CAPN5: variants seen among roughly 807,000 people sequenced by gnomAD.
The protein encoded by CAPN5 is calpain 5, also known as calpain-5.
CAPN5 carries 54 observed loss-of-function variants against 73.0 expected under a neutral mutation model. The ratio of observed to expected loss-of-function variants is 0.74; its 90% CI spans 0.59 to 0.93. The LOEUF is 0.93. CAPN5 is among the 40% of genes least tolerant of loss of function. The pLI, the probability that CAPN5 is intolerant of heterozygous loss-of-function variation, is 0.00. For synonymous variants in CAPN5, 335 were observed against 356.9 expected (o/e 0.94, Z 0.69); for missense variants, 785 against 882.9 (o/e 0.89, Z 1.41).
At chr11:77,108,603 A>G (rs1591139085) in intron 3 of CAPN5, among the ~76,000 whole-genome samples, 1 of 152,060 alleles carries the variant, frequency 6.6e-6, no homozygotes, top group African/African-American at 2.4e-5. Flanking sequence ...GACTCCTCGC[A>G]CCCATCCCTT....
intron 1 of CAPN5, chr11:77,073,198 A>G (rs1399371279): frequency 9.9e-7 from 1 of 1,013,286 alleles, no homozygotes; most frequent in African/African-American, 1.7e-5. Context: ...TGGTTCTTTC[A>G]GTGTTAAAAC....
chr11:77,114,093 G>A lies in CAPN5; in HGVS notation c.507-149G>A, dbSNP rs1457827309. On this transcript the variant is annotated intron_variant, in intron 4 of 12. Transcript: ENST00000648180. ...TATGTTGGCCCGAGTGTTAAGAACT[G>A]GGTTCCAGTGTTGGCTCCGCCGTGG... 3.5e-5 allele frequency: 22 copies of A among 627,234 alleles called. No individual in the cohort carries two copies. The African/African-American group carries it at 4.1e-4, about 12-fold the overall frequency. The allele number at this position is 627,234 out of a possible 1,614,324, so 38.9% of individuals were successfully genotyped here.
chr11:77,114,201 G>A (rs920914603), intron 4 of CAPN5, 41 bp from the exon 5 acceptor site: 2 of 1,586,074 alleles, frequency 1.3e-6, no homozygotes, highest in Non-Finnish European at 1.7e-6. Flanking sequence ...CAGCCTGGCT[G>A]GGGAGCATGA....
In CAPN5 at chr11:77,115,436, C is replaced by T. The variant is rs1327924250; in HGVS notation, c.741C>T (p.Gly247=). The change falls in exon 6 of 13, where the codon GGC becomes GGT. Residue 247 remains glycine, a synonymous_variant. Coordinates refer to ENST00000648180, the MANE Select transcript of CAPN5 (RefSeq NM_004055.5). ...AADMEARLAC[G]LVKGHAYAVT... ...ACATGGAGGCCCGCCTGGCGTGCGG[C>T]CTGGTAAAGGGCCACGCATACGCCG... 4 of 1,608,946 alleles carry T rather than the reference C, an allele frequency of 2.5e-6. No homozygotes were observed. The East Asian group carries it at 6.7e-5, about 27-fold the overall frequency.
intron 3 of CAPN5, chr11:77,102,820 G>T: frequency 6.5e-7 from 1 of 1,545,792 alleles, no homozygotes; most frequent in Non-Finnish European, 8.7e-7. Context: ...CTTGGCGTTG[G>T]TGGCAGCAGC....
At position 77,084,884 on chromosome 11, in the gene CAPN5, AC is replaced by A. The variant is rs1565259548; in HGVS notation, c.-1del. 1.2e-6 allele frequency: 2 copies of A among 1,613,894 alleles called. No homozygotes were observed. The highest frequency in any genetic ancestry group is 1.7e-6 in the Non-Finnish European group (2 of 1,179,978). ...CCCTCCCCTCCCTGGGGCAGCAGCC[AC>A]CATGTTCTCGTGTGTGAAGCCCTAT... On this transcript the variant is annotated 5_prime_UTR_variant, in exon 2 of 13. Coordinates refer to ENST00000648180, the MANE Select transcript of CAPN5 (RefSeq NM_004055.5).
In CAPN5 at chr11:77,125,424, C is replaced by T. The variant is rs1950564279; in HGVS notation, c.*1554C>T. 1 of 152,364 alleles carries T rather than the reference C, an allele frequency of 6.6e-6. No individual in the cohort carries two copies. Among genetic ancestry groups the T allele is most frequent in the Non-Finnish European group, 1.5e-5 (1 of 68,030 alleles). 9.4% of individuals were successfully genotyped at this position (152,364 alleles called of 1,614,324 possible). A position where few individuals can be genotyped will look rare whatever the true frequency, so the allele number is the denominator to read the frequency against. ...TTCTTTCTTGAAAGCCGGGACTTCC[C>T]CTCAAGAACCTGGGCCTGGGGCCGG... On this transcript the variant is annotated 3_prime_UTR_variant, in exon 13 of 13. Transcript: ENST00000648180.
chr11:77,105,780 C>T (rs929516316), intron 3 of CAPN5, among the ~76,000 whole-genome samples: 4 of 152,332 alleles, frequency 2.6e-5, no homozygotes, highest in Admixed American at 2.6e-4. Context: ...GATGTAGCCC[C>T]AAGGCCACGT....
At chr11:77,119,624 C>A (rs71469544) in intron 9 of CAPN5, 8,078 of 165,942 alleles carry the variant, frequency 0.049, 314 homozygotes, top group Non-Finnish European at 0.073. Context: ...TGGCCTGGAA[C>A]CTGAGGCCTT....
chr11:77,106,007 G>T (rs1555039801), intron 3 of CAPN5, among the ~76,000 whole-genome samples: 2 of 152,134 alleles, frequency 1.3e-5, no homozygotes, highest in African/African-American at 4.8e-5. Flanking sequence ...GGATGGACCG[G>T]GGAGATGGGC....
chr11:77,111,398 G>A (rs1950408969), intron 3 of CAPN5, among the ~76,000 whole-genome samples: 1 of 152,112 alleles, frequency 6.6e-6, no homozygotes, highest in Admixed American at 6.5e-5. Context: ...TTTCTAGCTG[G>A]GTGACCCTGG....
rs1950078106 is a variant in CAPN5, at chr11:77,085,676, G to A, written c.165+625G>A. Among the ~76,000 whole-genome samples, 5 of 152,152 alleles carry A rather than the reference G, an allele frequency of 3.3e-5. No homozygotes were observed. The South Asian group carries it at 1.0e-3, about 32-fold the overall frequency. ...TCCGACCACTCCTTTTGGTCCCTGA[G>A]GCTAGAGTGTGTTACACAGAAATGT... On this transcript the variant is annotated intron_variant, in intron 2 of 12. Coordinates refer to ENST00000648180, the MANE Select transcript of CAPN5 (RefSeq NM_004055.5).
chr11:77,094,609 T>C (rs1416444470), intron 3 of CAPN5, among the ~76,000 whole-genome samples: 4 of 152,194 alleles, frequency 2.6e-5, no homozygotes, highest in African/African-American at 9.6e-5. Flanking sequence ...CCTTCTGCCA[T>C]CCCTTGGGAG....
chr11:77,082,438 G>A (rs1950037080), intron 1 of CAPN5, among the ~76,000 whole-genome samples: 1 of 152,218 alleles, frequency 6.6e-6, no homozygotes, highest in African/African-American at 2.4e-5. Flanking sequence ...GTCTATCCGT[G>A]GCCTTCAGTG....
In CAPN5 at chr11:77,104,409, G is replaced by A. The variant is rs148338682; in HGVS notation, c.298-8180G>A. ...TCTTGGGCTTCTTCAATGCAGCTGAGGGGGGCAGGGCGAAGGCGTGGTGGG... is the reference window on the plus strand; with the variant it reads ...TCTTGGGCTTCTTCAATGCAGCTGAAGGGGGCAGGGCGAAGGCGTGGTGGG... On this transcript the variant is annotated intron_variant, in intron 3 of 12. Transcript: ENST00000648180. 7.2e-5 allele frequency among the ~76,000 whole-genome samples: 11 copies of A among 152,308 alleles called. No individual in the cohort carries two copies. In the South Asian group the frequency reaches 8.3e-4, roughly 11 times the overall value.
rs1591153394 is a variant in CAPN5, at chr11:77,123,962, G to A, written c.*92G>A. On this transcript the variant is annotated 3_prime_UTR_variant, in exon 13 of 13. Transcript: ENST00000648180. ...CTAGCCTGGGAGCCAGGATACTGGG[G>A]TCCTTTTCCCACTCTTCCACTGACT... The A allele has an allele frequency of 4.0e-6, 5 of 1,260,278 alleles. No individual in the cohort carries two copies. In the East Asian group the frequency reaches 7.2e-5, roughly 18 times the overall value. The allele number at this position is 1,260,278 out of a possible 1,614,324, so 78.1% of individuals were successfully genotyped here.
At chr11:77,122,373 G>A (rs2135490026) in intron 11 of CAPN5, among the ~76,000 whole-genome samples, 2 of 152,314 alleles carry the variant, frequency 1.3e-5, no homozygotes, top group East Asian at 3.9e-4. Flanking sequence ...GAGCAGTGTG[G>A]GTAAAGCTCT....
At chr11:77,080,328 G>T (rs1950015542) in intron 1 of CAPN5, among the ~76,000 whole-genome samples, 1 of 152,126 alleles carries the variant, frequency 6.6e-6, no homozygotes, top group African/African-American at 2.4e-5. Context: ...GAGGCCCGTG[G>T]TGGCTTTGAG....
intron 3 of CAPN5, among the ~76,000 whole-genome samples, chr11:77,102,503 C>G (rs1275827163): frequency 6.6e-6 from 1 of 152,240 alleles, no homozygotes; most frequent in Non-Finnish European, 1.5e-5. Context: ...TCTTCACAAA[C>G]AAGCCAGCAC....
Sources: allele counts gnomAD v4.1 joint callset (sites outside exome capture counted in the v4.1 genomes callset), GRCh38; gene constraint gnomAD v4.1.1; transcripts MANE v1.5; gene names NCBI Gene and HGNC (gene_info 2026-07-23, HGNC 2026-07-21).